Variants in CCDC171 observed in about 807,000 individuals in gnomAD.
CCDC171 encodes coiled-coil domain-containing protein 171.
CCDC171 carries 177 observed loss-of-function variants against 168.2 expected under a neutral mutation model. That is an observed-to-expected ratio of 1.05 (90% CI 0.93 to 1.19). The LOEUF (loss-of-function observed/expected upper bound fraction) is 1.19, where lower values mean the gene tolerates loss of function less well. CCDC171 is among the 50% of genes most tolerant of loss of function. CCDC171 has a pLI of 0.00. For missense variants in CCDC171, 1,991 were observed against 1,539.0 expected, an observed-to-expected ratio of 1.29 and a Z score of -4.91; for synonymous variants, 687 against 540.8, an observed-to-expected ratio of 1.27 and a Z score of -3.75.
chr9:16,068,595 C>G, the CCDC171 span, among the ~76,000 whole-genome samples: 35 of 152,194 alleles, frequency 2.3e-4, no homozygotes, highest in African/African-American at 7.7e-4. Flanking sequence ...GCTGTTGTTT[C>G]GTCGTCTGTT....
chr9:15,856,017 A>G (rs1405604904), intron 23 of CCDC171, among the ~76,000 whole-genome samples: 1 of 151,558 alleles, frequency 6.6e-6, no homozygotes, highest in African/African-American at 2.4e-5. Flanking sequence ...GGTGTTCCTT[A>G]TTTTTTCATG....
intron 16 of CCDC171, among the ~76,000 whole-genome samples, chr9:15,737,742 A>T (rs1280335829): frequency 1.3e-5 from 2 of 152,172 alleles, no homozygotes; most frequent in Admixed American, 1.3e-4. Context: ...CGTAATGAAG[A>T]TAGTGTTTTA....
Position 15,554,005 on chromosome 9 carries a change from G to T in CCDC171, c.-112+703G>T, listed in dbSNP as rs184264367. 1.9e-4 allele frequency among the ~76,000 whole-genome samples: 28 copies of T among 149,846 alleles called. No homozygotes were observed. In the East Asian group the frequency reaches 5.4e-3, roughly 29 times the overall value. ...ATGGTTTTCATAATATTGGAGAAAA[G>T]AACATACGATTTTGTCACTTTTTTT... is the stretch of plus-strand genomic sequence containing the variant. On this transcript the variant is annotated intron_variant, in intron 1 of 25. Coordinates refer to ENST00000380701, the MANE Select transcript of CCDC171 (RefSeq NM_173550.4).
At chr9:15,584,801 A>G (rs1260795443) in intron 4 of CCDC171, among the ~76,000 whole-genome samples, 2 of 152,200 alleles carry the variant, frequency 1.3e-5, no homozygotes, top group Admixed American at 6.5e-5. Flanking sequence ...GTGTTTAATA[A>G]TAGTTACACG....
At chr9:15,698,721 T>C (rs1376152008) in intron 11 of CCDC171, among the ~76,000 whole-genome samples, 2 of 152,094 alleles carry the variant, frequency 1.3e-5, no homozygotes, top group African/African-American at 4.8e-5. Context: ...CATATACTCT[T>C]TCTTTTATTT....
In CCDC171 at chr9:15,818,899, C is replaced by A. The variant is rs201980184; in HGVS notation, c.3268-27803C>A. On this transcript the variant is annotated intron_variant, in intron 21 of 25. Transcript: ENST00000380701. ...TCTGAGACACATAATTGTCAGATTC[C>A]CCAAAGTTGAAATGAAGGAAAAAAT... Among the ~76,000 whole-genome samples, 105 of 116,472 alleles carry A rather than the reference C, an allele frequency of 9.0e-4. 30 individuals are homozygous for A. The highest frequency in any genetic ancestry group is 3.0e-3 in the African/African-American group (94 of 30,900). The allele number at this position is 116,472 out of a possible 152,430, so 76.4% of individuals were successfully genotyped here.
the CCDC171 span, among the ~76,000 whole-genome samples, chr9:16,071,560 G>T: frequency 6.6e-6 from 1 of 152,206 alleles, no homozygotes; most frequent in Non-Finnish European, 1.5e-5. Context: ...TGGCCATGGA[G>T]AATACATTCC....
chr9:15,985,422 C>A (rs1216527677), intron 3 of CCDC171, among the ~76,000 whole-genome samples: 1 of 152,214 alleles, frequency 6.6e-6, no homozygotes, highest in Non-Finnish European at 1.5e-5. Flanking sequence ...TCACTGTTAA[C>A]AGGGACAGTC....
At chr9:16,015,826 T>G (rs190094674) in intron 3 of CCDC171, among the ~76,000 whole-genome samples, 337 of 152,334 alleles carry the variant, frequency 2.2e-3, no homozygotes, top group African/African-American at 7.6e-3. Context: ...TGTCTATGAA[T>G]TTTACTATTC....
chr9:15,880,557 A>G (rs10756713), intron 24 of CCDC171, among the ~76,000 whole-genome samples: 53,909 of 149,646 alleles, frequency 0.36, 12,175 homozygotes, highest in East Asian at 0.62. Flanking sequence ...ACCGGGTTCA[A>G]GCGAATTTCC....
intron 1 of CCDC171, among the ~76,000 whole-genome samples, chr9:16,047,543 C>T (rs1274533867): frequency 6.6e-6 from 1 of 152,184 alleles, no homozygotes; most frequent in Non-Finnish European, 1.5e-5. Context: ...TACCTGTGGC[C>T]ATTCTTTCTT....
chr9:15,813,798 A>C (rs1187439339), intron 21 of CCDC171, among the ~76,000 whole-genome samples: 10 of 152,178 alleles, frequency 6.6e-5, no homozygotes, highest in African/African-American at 2.4e-4. Flanking sequence ...GTTTTTGTCA[A>C]TTTTTAAAAT....
intron 6 of CCDC171, among the ~76,000 whole-genome samples, chr9:16,030,475 G>T (rs565473132): frequency 1.3e-5 from 2 of 152,176 alleles, no homozygotes; most frequent in Non-Finnish European, 2.9e-5. Context: ...GTCTATAGGT[G>T]TGTACTGTTC....
At chr9:16,061,248 T>C (rs986924457) in exon 2 of CCDC171, 1 of 152,226 alleles carries the variant, frequency 6.6e-6, no homozygotes, top group Admixed American at 6.5e-5. Flanking sequence ...TGCTTGCTAG[T>C]GCTCAAGAAA....
In CCDC171 at chr9:15,649,050, A is replaced by C. The variant is rs567059288; in HGVS notation, c.823-8077A>C. Among the ~76,000 whole-genome samples, 5 of 152,314 alleles carry C rather than the reference A, an allele frequency of 3.3e-5. No homozygotes were observed. The South Asian group carries it at 6.2e-4, about 19-fold the overall frequency. On this transcript the variant is annotated intron_variant, in intron 7 of 25. Coordinates refer to ENST00000380701, the MANE Select transcript of CCDC171 (RefSeq NM_173550.4). ...GCATGGTACTGGTACCAAAACAGAG[A>C]TATAGACCAATGGAACAGAACGGAG...
chr9:15,988,191 C>A (rs1832059117), intron 3 of CCDC171, among the ~76,000 whole-genome samples: 1 of 152,190 alleles, frequency 6.6e-6, no homozygotes, highest in Non-Finnish European at 1.5e-5. Context: ...ACAGCAACAA[C>A]TAACAAATGG....
intron 21 of CCDC171, among the ~76,000 whole-genome samples, chr9:15,814,288 A>C (rs1376747054): frequency 2.6e-5 from 4 of 152,186 alleles, no homozygotes; most frequent in Non-Finnish European, 4.4e-5. Context: ...ACCATAATTT[A>C]ATGACATGCT....
At chr9:15,629,380 G>C (rs1470897456) in intron 7 of CCDC171, among the ~76,000 whole-genome samples, 4 of 152,208 alleles carry the variant, frequency 2.6e-5, no homozygotes, top group African/African-American at 9.7e-5. Context: ...CGTGAAGAAT[G>C]CAGAAGCCTC....
At chr9:15,924,007 A>G (rs985746333) in intron 25 of CCDC171, among the ~76,000 whole-genome samples, 1 of 151,510 alleles carries the variant, frequency 6.6e-6, no homozygotes, top group African/African-American at 2.4e-5. Context: ...CTCCAAAGGC[A>G]TGTATATAGA....
Sources: allele counts gnomAD v4.1 joint callset (sites outside exome capture counted in the v4.1 genomes callset), GRCh38; gene constraint gnomAD v4.1.1; transcripts MANE v1.5; gene names NCBI Gene and HGNC (gene_info 2026-07-23, HGNC 2026-07-21).